Variants in BCAM observed in about 807,000 individuals in gnomAD.
BCAM encodes the protein basal cell adhesion molecule (Lutheran blood group).
In BCAM, 61 loss-of-function variants were observed where a neutral mutation model predicts 72.4. That is an observed-to-expected ratio of 0.84 (90% confidence interval 0.69 to 1.04). The LOEUF is 1.04. BCAM is among the 50% of genes least tolerant of loss of function. BCAM has a pLI of 0.00. For missense variants in BCAM, 909 were observed against 895.0 expected (o/e 1.02, Z -0.20); for synonymous variants, 408 against 384.2 (o/e 1.06, Z -0.73).
At chr19:44,820,072 C>T in intron 13 of BCAM, 1 of 1,174,990 alleles carries the variant, frequency 8.5e-7, no homozygotes, top group Non-Finnish European at 1.1e-6. Context: ...GTCTCCAATC[C>T]CAACCCTGCC....
In BCAM at chr19:44,819,711, G is replaced by C. The variant is rs1406810281; in HGVS notation, c.1748G>C (p.Arg583Pro). ...GGGGGCCCCTGCTGCCGCCAGCGGC[G>C]GGAGAAGGGGGCTCCGTGAGTGGCC... ...RKGGPCCRQR[R>P]EKGAPPPGEP... Residue 583 changes from arginine to proline, a missense_variant, in exon 13 of 15, where the codon CGG becomes CCG. Transcript: ENST00000270233. 4 of 1,604,626 alleles carry C rather than the reference G, an allele frequency of 2.5e-6. No individual in the cohort carries two copies. Among genetic ancestry groups the C allele is most frequent in the Non-Finnish European group, 3.4e-6 (4 of 1,176,330 alleles).
chr19:44,818,742 A>T lies in BCAM; in HGVS notation c.1196A>T (p.Asp399Val), dbSNP rs775892338. 2 of 1,613,246 alleles carry T rather than the reference A, an allele frequency of 1.2e-6. No individual in the cohort carries two copies. The highest frequency in any genetic ancestry group is 3.3e-5 in the Admixed American group (2 of 59,930). ...CTCCTCCTCCTCTGCCCTTCCCAGG[A>T]CTCCACTCCCCTGGGCGATGGCCCC... ...LPTPALRWTKDSTPLGDGPML... is the reference protein window; with the variant it reads ...LPTPALRWTKVSTPLGDGPML... The change falls in exon 10 of 15, where the codon GAC becomes GTC. Residue 399 changes from aspartate to valine, a missense_variant and splice_region_variant. By Grantham distance (152) the Asp-to-Val change is radical. Transcript: ENST00000270233. This position sits in a 1 kb window ranked among gnomAD's most constrained non-coding sequence, Gnocchi z 4.6.
chr19:44,817,234 C>T (rs1016115107), intron 8 of BCAM, among the ~76,000 whole-genome samples: 10 of 150,348 alleles, frequency 6.7e-5, no homozygotes, highest in Non-Finnish European at 1.5e-4. Flanking sequence ...CAAACTCTCT[C>T]AAAAAAAAAT....
At position 44,814,780 on chromosome 19, in the gene BCAM, G is replaced by C. The variant is rs369897337; in HGVS notation, c.1078+20G>C. 9 of 1,595,682 alleles carry C rather than the reference G, an allele frequency of 5.6e-6. No individual in the cohort carries two copies. In the South Asian group the frequency reaches 6.7e-5, roughly 12 times the overall value. On this transcript the variant is annotated intron_variant, in intron 8 of 14. Coordinates refer to ENST00000270233, the MANE Select transcript of BCAM (RefSeq NM_005581.5). This position sits in a 1 kb window ranked among gnomAD's most constrained non-coding sequence, Gnocchi z 4.6. ...TGGCCTGTGAGAGCCCTGGGTGAAC[G>C]GGCGGGCAGGAGGGGCCCTGGCATC... is the stretch of plus-strand genomic sequence containing the variant.
At chr19:44,819,965 C>G in intron 13 of BCAM, 1 of 1,358,038 alleles carries the variant, frequency 7.4e-7, no homozygotes, top group Non-Finnish European at 9.5e-7. Context: ...CAACCCAGGG[C>G]CATCCCCAAA....
In BCAM at chr19:44,818,895, G is replaced by C. The variant is rs201016308; in HGVS notation, c.1336+13G>C. On this transcript the variant is annotated intron_variant, in intron 10 of 14. Transcript: ENST00000270233. The surrounding 1 kb of genome is among the most constrained non-coding windows in gnomAD (Gnocchi z 4.6). ...CTGCTGGTCCAAGGTTCAGGGGGCA[G>C]GGAGGGGGTGGGCTTGGATGGGGAC... 3.0e-5 allele frequency: 48 copies of C among 1,611,718 alleles called. No homozygotes were observed. The Admixed American group carries it at 6.5e-4, about 22-fold the overall frequency.
Position 44,812,739 on chromosome 19 carries a change from C to G in BCAM, c.504+191C>G, listed in dbSNP as rs578182212. ...CAGAGGCAGGCGGATCACCTGAGGT[C>G]AGGAGTTCCAGACCAGCCTGGCCAA... is the stretch of plus-strand genomic sequence containing the variant. On this transcript the variant is annotated intron_variant, in intron 4 of 14. Coordinates refer to ENST00000270233, the MANE Select transcript of BCAM (RefSeq NM_005581.5). The surrounding 1 kb of genome is among the most constrained non-coding windows in gnomAD (Gnocchi z 5.3). 63 of 620,664 alleles carry G rather than the reference C, an allele frequency of 1.0e-4. No homozygotes were observed. In the Admixed American group the frequency reaches 1.9e-3, roughly 18 times the overall value. 38.4% of individuals were successfully genotyped at this position (620,664 alleles called of 1,614,324 possible). A position where few individuals can be genotyped will look rare whatever the true frequency, so the allele number is the denominator to read the frequency against.
rs1339145262 is a variant in BCAM, at chr19:44,809,133, C to T, written c.9C>T (p.Pro3=). The T allele has an allele frequency of 1.4e-6, 2 of 1,459,068 alleles. No homozygotes were observed. The highest frequency in any genetic ancestry group is 4.9e-5 in the Admixed American group (2 of 40,618). 90.4% of individuals were successfully genotyped at this position (1,459,068 alleles called of 1,614,324 possible). A position where few individuals can be genotyped will look rare whatever the true frequency, so the allele number is the denominator to read the frequency against. The change falls in exon 1 of 15, where the codon CCC becomes CCT. Residue 3 remains proline (P), a synonymous_variant. Transcript: ENST00000270233. ...CCGCCGCCGCCGTGAACATGGAGCCCCCGGACGCACCGGCCCAGGCGCGCG... is the reference window on the plus strand; with the variant it reads ...CCGCCGCCGCCGTGAACATGGAGCCTCCGGACGCACCGGCCCAGGCGCGCG... The part of the protein sequence containing the change: ME[P]PDAPAQARGA...
intron 14 of BCAM, 23 bp downstream of exon 14, chr19:44,820,845 T>G (rs898291096): frequency 1.4e-5 from 21 of 1,527,238 alleles, no homozygotes; most frequent in Non-Finnish European, 1.7e-5. Context: ...CTGGGCCCCC[T>G]GGTGAGAGGG....
chr19:44,819,089 C>T lies in BCAM; in HGVS notation c.1370C>T (p.Pro457Leu), dbSNP rs1368885073. 2 of 1,614,054 alleles carry T rather than the reference C, an allele frequency of 1.2e-6. No homozygotes were observed. Among genetic ancestry groups the T allele is most frequent in the Non-Finnish European group, 1.7e-6 (2 of 1,180,006 alleles). The change falls in exon 11 of 15, where the codon CCC becomes CTC. Residue 457 changes from proline (P) to leucine (L), a missense_variant. Pro to Leu is a moderately conservative substitution (Grantham distance 98). Coordinates refer to ENST00000270233, the MANE Select transcript of BCAM (RefSeq NM_005581.5). ...GAGCTAAAGACAGCGGAAATAGAGC[C>T]CAAGGCAGATGGCAGCTGGAGGGAA... Reference protein sequence around the residue: ...SPELKTAEIEPKADGSWREGD... With the variant: ...SPELKTAEIELKADGSWREGD...
At position 44,820,832 on chromosome 19, in the gene BCAM, G is replaced by A. The variant is rs747597004; in HGVS notation, c.1881+10G>A. 3 of 1,519,278 alleles carry A rather than the reference G, an allele frequency of 2.0e-6. No homozygotes were observed. The highest frequency in any genetic ancestry group is 2.6e-6 in the Non-Finnish European group (3 of 1,133,260). The allele number at this position is 1,519,278 out of a possible 1,614,324, so 94.1% of individuals were successfully genotyped here. A position where few individuals can be genotyped will look rare whatever the true frequency, so the allele number is the denominator to read the frequency against. On this transcript the variant is annotated intron_variant, in intron 14 of 14. Coordinates refer to ENST00000270233, the MANE Select transcript of BCAM (RefSeq NM_005581.5). ...GGGCTTCGGAGACGAGGTGGGTGAG[G>A]GCCTGGGCCCCCTGGTGAGAGGGAC...
chr19:44,819,489 C>G lies in BCAM; in HGVS notation c.1617C>G (p.Thr539=), dbSNP rs141886629. The change falls in exon 12 of 15, where the codon ACC becomes ACG. Residue 539 remains threonine, a splice_region_variant and synonymous_variant. Coordinates refer to ENST00000270233, the MANE Select transcript of BCAM (RefSeq NM_005581.5). ...GNKRHVFHFG[T]VSPQTSQAGV... ...AGCGCCATGTCTTCCACTTCGGCAC[C>G]GGTGAGTGACTGAGGTGGTGGCAGA... The G allele has an allele frequency of 3.7e-6, 6 of 1,613,732 alleles. No individual in the cohort carries two copies. The highest frequency in any genetic ancestry group is 1.3e-5 in the African/African-American group (1 of 74,880).
At position 44,813,199 on chromosome 19, in the gene BCAM, G is replaced by A. The variant is rs768051377; in HGVS notation, c.505-51G>A. ...GGAGAACTCCTGAGAGAGGAGCCCCGACTTCAGAGTCCCAGCTCCAAGCCC... is the reference window on the plus strand; with the variant it reads ...GGAGAACTCCTGAGAGAGGAGCCCCAACTTCAGAGTCCCAGCTCCAAGCCC... On this transcript the variant is annotated intron_variant, in intron 4 of 14. Transcript: ENST00000270233. This position sits in a 1 kb window ranked among gnomAD's most constrained non-coding sequence, Gnocchi z 4.2. The A allele has an allele frequency of 3.8e-6, 6 of 1,595,684 alleles. No individual in the cohort carries two copies. The highest frequency in any genetic ancestry group is 1.7e-5 in the Admixed American group (1 of 58,414).
chr19:44,819,340 C>A lies in BCAM; in HGVS notation c.1474-6C>A. ...ACCAGCCGGGGCCTGATCGGAGCCT[C>A]CATAGCCCGCAGAGCCAATCCCCGG... On this transcript the variant is annotated splice_polypyrimidine_tract_variant and splice_region_variant and intron_variant, in intron 11 of 14. Transcript: ENST00000270233. The A allele has an allele frequency of 6.2e-7, 1 of 1,614,062 alleles. No individual in the cohort carries two copies. Among genetic ancestry groups the A allele is most frequent in the Non-Finnish European group, 8.5e-7 (1 of 1,179,954 alleles).
At chr19:44,819,274 G>T in intron 11 of BCAM, 72 bp from the exon 12 acceptor site, 2 of 1,610,314 alleles carry the variant, frequency 1.2e-6, no homozygotes, top group South Asian at 2.2e-5. Context: ...TGGGAGACTG[G>T]ACGTCGTTCA....
At position 44,819,675 on chromosome 19, in the gene BCAM, T is replaced by A; in HGVS notation, c.1712T>A (p.Val571Glu). The change falls in exon 13 of 15, where the codon GTG (valine) becomes GAG (glutamate). Residue 571 changes from valine (V) to glutamate (E), a missense_variant. Transcript: ENST00000270233. The part of the protein sequence containing the change: ...LLLVVAVFYC[V>E]RRKGGPCCRQ... Reference sequence around the variant, plus strand: ...CTCGTCGTTGCTGTCTTCTACTGCGTGAGACGCAAAGGGGGCCCCTGCTGC... The same window carrying A: ...CTCGTCGTTGCTGTCTTCTACTGCGAGAGACGCAAAGGGGGCCCCTGCTGC... The A allele has an allele frequency of 6.2e-7, 1 of 1,613,134 alleles. No individual in the cohort carries two copies. The highest frequency in any genetic ancestry group is 8.5e-7 in the Non-Finnish European group (1 of 1,179,546).
chr19:44,812,949 CAA>C lies in BCAM; in HGVS notation c.505-285_505-284del, dbSNP rs1207051227. On this transcript the variant is annotated intron_variant, in intron 4 of 14. Coordinates refer to ENST00000270233, the MANE Select transcript of BCAM (RefSeq NM_005581.5). The surrounding 1 kb of genome is among the most constrained non-coding windows in gnomAD (Gnocchi z 5.3). ...TGGGCCACAGAGCAATACTCCGTCT[CAA>C]AAAAAAAAAAAAAAAGAAGAAGAAA... 7,032 of 191,590 alleles carry C rather than the reference CAA, an allele frequency of 0.037. No individual in the cohort carries two copies. Among genetic ancestry groups the C allele is most frequent in the South Asian group, 0.042 (655 of 15,444 alleles). 11.9% of individuals were successfully genotyped at this position (191,590 alleles called of 1,614,324 possible). A position where few individuals can be genotyped will look rare whatever the true frequency, so the allele number is the denominator to read the frequency against.
intron 12 of BCAM, 25 bp from the exon 13 acceptor site, chr19:44,819,557 G>T (rs372658719): frequency 1.2e-6 from 2 of 1,611,876 alleles, no homozygotes; most frequent in Non-Finnish European, 1.7e-6. Flanking sequence ...CCTGACCCAC[G>T]CCTCTCTCCA....
Position 44,812,659 on chromosome 19 carries a change from G to T in BCAM, c.504+111G>T. 3 of 1,310,544 alleles carry T rather than the reference G, an allele frequency of 2.3e-6. No homozygotes were observed. Among genetic ancestry groups the T allele is most frequent in the South Asian group, 2.7e-5 (2 of 73,036 alleles). The allele number at this position is 1,310,544 out of a possible 1,614,324, so 81.2% of individuals were successfully genotyped here. A position where few individuals can be genotyped will look rare whatever the true frequency, so the allele number is the denominator to read the frequency against. ...TGGGGACCCCTGGGTAATAAAGGAG[G>T]AGGGGTAAGGCCAGGCGAGGTGGCT... On this transcript the variant is annotated intron_variant, in intron 4 of 14. Coordinates refer to ENST00000270233, the MANE Select transcript of BCAM (RefSeq NM_005581.5). This position sits in a 1 kb window ranked among gnomAD's most constrained non-coding sequence, Gnocchi z 5.3.
Sources: allele counts gnomAD v4.1 joint callset (sites outside exome capture counted in the v4.1 genomes callset), GRCh38; gene constraint gnomAD v4.1.1; non-coding constraint Gnocchi (gnomAD v3.1); transcripts MANE v1.5; gene names NCBI Gene and HGNC (gene_info 2026-07-23, HGNC 2026-07-21).